SDK2: variants seen among roughly 807,000 people sequenced by gnomAD.
SDK2 encodes protein sidekick-2.
In SDK2, 105 loss-of-function variants were observed where a neutral mutation model predicts 253.9. The ratio of observed to expected loss-of-function variants is 0.41; its 90% CI spans 0.35 to 0.49. The LOEUF (loss-of-function observed/expected upper bound fraction) is 0.49, where lower values mean the gene tolerates loss of function less well. Ranked by LOEUF, SDK2 falls within the 20% of genes least tolerant of loss-of-function variation. The probability of loss-of-function intolerance (pLI) is 0.06; values close to 1 mark genes in which losing one functional copy is unlikely to be tolerated. For missense variants in SDK2, 2,608 were observed against 3,003.0 expected, an observed-to-expected ratio of 0.87 and a Z score of 3.07; for synonymous variants, 1,249 against 1,234.9, an observed-to-expected ratio of 1.01 and a Z score of -0.24.
At chr17:73,596,064 CCT>C (rs1206083765) in intron 1 of SDK2, among the ~76,000 whole-genome samples, 3 of 152,332 alleles carry the variant, frequency 2.0e-5, no homozygotes, top group Admixed American at 6.5e-5. Context: ...TCACCTACCC[CCT>C]GTGCCTGCCC....
chr17:73,498,812 T>G (rs1193285326), intron 2 of SDK2, among the ~76,000 whole-genome samples: 1 of 152,158 alleles, frequency 6.6e-6, no homozygotes, highest in African/African-American at 2.4e-5. Context: ...CTGCAGTGGC[T>G]TAGAAAGTGC....
chr17:73,487,977 C>T (rs2063780022), intron 2 of SDK2, among the ~76,000 whole-genome samples: 2 of 152,144 alleles, frequency 1.3e-5, no homozygotes. Context: ...CCTTGTTATA[C>T]CTCGGACACT....
chr17:73,339,501 T>G (rs962314803), intron 44 of SDK2, among the ~76,000 whole-genome samples: 7 of 150,952 alleles, frequency 4.6e-5, no homozygotes, highest in African/African-American at 1.5e-4. Context: ...GGATTACAGG[T>G]GTCAGCCACT....
chr17:73,572,900 C>T (rs567152898), intron 1 of SDK2, among the ~76,000 whole-genome samples: 1 of 152,322 alleles, frequency 6.6e-6, no homozygotes. Context: ...CCTCCCAGCG[C>T]CGTCAAACAC....
At chr17:73,341,724 GGAA>G in intron 44 of SDK2, among the ~76,000 whole-genome samples, 1 of 152,172 alleles carries the variant, frequency 6.6e-6, no homozygotes, top group African/African-American at 2.4e-5. Context: ...CTTGTTCTCA[GGAA>G]CTCGGAGTCC....
chr17:73,362,213 CTA>C (rs1217221544), intron 38 of SDK2, among the ~76,000 whole-genome samples: 1 of 152,142 alleles, frequency 6.6e-6, no homozygotes, highest in East Asian at 1.9e-4. Flanking sequence ...GGCTCCATTG[CTA>C]TTCCCTTATG....
At chr17:73,564,053 T>C (rs544021623) in intron 1 of SDK2, among the ~76,000 whole-genome samples, 6 of 152,278 alleles carry the variant, frequency 3.9e-5, no homozygotes, top group African/African-American at 1.4e-4. Flanking sequence ...GAACTACAGG[T>C]ATGAGCCGCT....
intron 1 of SDK2, among the ~76,000 whole-genome samples, chr17:73,617,547 A>G (rs980774493): frequency 1.3e-5 from 2 of 151,214 alleles, no homozygotes; most frequent in South Asian, 4.2e-4. Flanking sequence ...GGCTGCAGAG[A>G]TCTCTCCCTG....
At position 73,378,365 on chromosome 17, in the gene SDK2, G is replaced by C. The variant is rs60901502; in HGVS notation, c.4980+812C>G. Among the ~76,000 whole-genome samples, 3 of 152,070 alleles carry C rather than the reference G, an allele frequency of 2.0e-5. No homozygotes were observed. In the South Asian group the frequency reaches 6.2e-4, roughly 32 times the overall value. On this transcript the variant is annotated intron_variant, in intron 36 of 44. Transcript: ENST00000392650. ...GATCCGCCCACCTTGGCCTCCTAAA[G>C]TGCGGGAATTACAGGTGTGAGCCAC... is the stretch of plus-strand genomic sequence containing the variant.
At chr17:73,387,089 T>G (rs560895174) in intron 30 of SDK2, among the ~76,000 whole-genome samples, 3 of 152,374 alleles carry the variant, frequency 2.0e-5, no homozygotes, top group Non-Finnish European at 4.4e-5. Flanking sequence ...GCCTCCTGAA[T>G]AGCTGGGATT....
intron 1 of SDK2, among the ~76,000 whole-genome samples, chr17:73,619,103 G>T (rs2046096334): frequency 6.6e-6 from 1 of 150,578 alleles, no homozygotes; most frequent in South Asian, 2.1e-4. Context: ...GGAAGTGGAG[G>T]TTGCAATGAG....
Position 73,511,897 on chromosome 17 carries a change from G to A in SDK2, c.65-4300C>T, listed in dbSNP as rs549234370. ...CGTGTGGACGTGTCTATGTGTGCAC[G>A]TGTTTATGTGTGCAGGTGTGTGTGT... is the stretch of plus-strand genomic sequence containing the variant. On this transcript the variant is annotated intron_variant, in intron 1 of 44. Transcript: ENST00000392650. The surrounding 1 kb of genome is among the most constrained non-coding windows in gnomAD (Gnocchi z 4.9). Among the ~76,000 whole-genome samples the A allele has an allele frequency of 5.9e-5, 9 of 152,170 alleles. No individual in the cohort carries two copies. The highest frequency in any genetic ancestry group is 1.2e-4 in the Non-Finnish European group (8 of 68,024).
intron 1 of SDK2, among the ~76,000 whole-genome samples, chr17:73,557,961 C>G (rs2045170516): frequency 6.6e-6 from 1 of 152,214 alleles, no homozygotes. Context: ...TCCTCTCTCT[C>G]AGCCTCTCCC....
intron 2 of SDK2, among the ~76,000 whole-genome samples, chr17:73,483,687 A>ATGTGTGTGTGTGTGTGTGTGTGTG (rs2063750234): frequency 2.9e-5 from 2 of 68,918 alleles, no homozygotes; most frequent in African/African-American, 1.1e-4. Context: ...ATATATTTAT[A>ATGTGTGTGTGTGTGTGTGTGTGTG]TATATATATA....
intron 1 of SDK2, among the ~76,000 whole-genome samples, chr17:73,632,429 G>T (rs2046282293): frequency 6.6e-6 from 1 of 152,186 alleles, no homozygotes; most frequent in Admixed American, 6.5e-5. Flanking sequence ...CGGACTCCAA[G>T]TTCTTCAGCT....
At chr17:73,406,991 G>A (rs2063084424) in intron 18 of SDK2, among the ~76,000 whole-genome samples, 1 of 152,184 alleles carries the variant, frequency 6.6e-6, no homozygotes, top group Non-Finnish European at 1.5e-5. Context: ...TGGTATTGTA[G>A]GAACTGGATT....
chr17:73,384,106 G>C, intron 32 of SDK2, 95 bp from the exon 33 acceptor site: 1 of 1,373,900 alleles, frequency 7.3e-7, no homozygotes, highest in South Asian at 1.3e-5. Context: ...CACAGAGCAG[G>C]GACTATGTTT....
chr17:73,479,744 G>A (rs1461378220), intron 2 of SDK2, among the ~76,000 whole-genome samples: 2 of 152,206 alleles, frequency 1.3e-5, no homozygotes, highest in Non-Finnish European at 2.9e-5. Flanking sequence ...AGCCTGGAGT[G>A]CAATGGCACA....
At position 73,615,759 on chromosome 17, in the gene SDK2, CAT is replaced by C. The variant is rs1452519555; in HGVS notation, c.64+28264_64+28265del. ...GGAGGCCACGTTTTTAAACCAGAGT[CAT>C]GTGAAATAAGCAACACACACACACA... On this transcript the variant is annotated intron_variant, in intron 1 of 44. Transcript: ENST00000392650. 7.2e-5 allele frequency among the ~76,000 whole-genome samples: 11 copies of C among 152,300 alleles called. No individual in the cohort carries two copies. The South Asian group carries it at 1.5e-3, about 20-fold the overall frequency.
Sources: gnomAD v4.1 joint callset for allele counts (sites outside exome capture counted in the v4.1 genomes callset) on GRCh38, gnomAD v4.1.1 for gene constraint, Gnocchi (gnomAD v3.1) non-coding constraint, MANE v1.5 for transcripts, NCBI Gene and HGNC (gene_info 2026-07-23, HGNC 2026-07-21) for gene names.